The following ENOSF1 variants were observed in gnomAD, a reference collection of about 807,000 sequenced individuals.
The protein encoded by ENOSF1 is enolase superfamily member 1, also known as mitochondrial enolase superfamily member 1.
In ENOSF1, 73 loss-of-function variants were observed where a neutral mutation model predicts 68.2. The ratio of observed to expected loss-of-function variants is 1.07; its 90% CI spans 0.89 to 1.30. The LOEUF is 1.30. ENOSF1 is among the 50% of genes most tolerant of loss of function. The pLI, the probability that ENOSF1 is intolerant of heterozygous loss-of-function variation, is 0.00. For synonymous variants in ENOSF1, 223 were observed against 210.4 expected (o/e 1.06, Z -0.52); for missense variants, 589 against 554.5 (o/e 1.06, Z -0.62).
At chr18:678,656 C>G (rs1568021072) in intron 12 of ENOSF1, 40 bp downstream of exon 12, 1 of 1,610,120 alleles carries the variant, frequency 6.2e-7, no homozygotes. Flanking sequence ...GTGTACTGAC[C>G]CCAAGGGGAC....
chr18:688,460 G>T, intron 9 of ENOSF1, 114 bp downstream of exon 9: 1 of 1,394,158 alleles, frequency 7.2e-7, no homozygotes, highest in Non-Finnish European at 1.0e-6. Flanking sequence ...CTATGAGCCA[G>T]GGGGATCCTA....
rs1219859194 is a variant in ENOSF1, at chr18:677,618, GAGTT to G, written c.1048+121_1048+124del. 79 of 1,360,548 alleles carry G rather than the reference GAGTT, an allele frequency of 5.8e-5. 1 individual carries two copies. The African/African-American group carries it at 1.1e-3, about 18-fold the overall frequency. The allele number at this position is 1,360,548 out of a possible 1,614,324, so 84.3% of individuals were successfully genotyped here. A position where few individuals can be genotyped will look rare whatever the true frequency, so the allele number is the denominator to read the frequency against. On this transcript the variant is annotated intron_variant, in intron 13 of 15. Coordinates refer to ENST00000647584, the MANE Select transcript of ENOSF1 (RefSeq NM_017512.7). ...AAATTCCCGGATTAAAGCTAAATGA[GAGTT>G]AGAAAAAAATCGAAATGGCAAACTA...
chr18:683,275 C>T lies in ENOSF1; in HGVS notation c.847G>A (p.Asp283Asn). ...LWIEEPTSPD[D>N]ILGHATISKA... ...GAAATGGTGGCGTGCCCCAGAATGTCATCAGGGGAGGTTGGCTCCTCAATC... is the reference window on the plus strand; with the variant it reads ...GAAATGGTGGCGTGCCCCAGAATGTTATCAGGGGAGGTTGGCTCCTCAATC... Residue 283 changes from aspartate (D) to asparagine (N), a missense_variant, in exon 11 of 16, where the codon GAC (aspartate) becomes AAC (asparagine). Coordinates refer to ENST00000647584, the MANE Select transcript of ENOSF1 (RefSeq NM_017512.7). 1.2e-6 allele frequency: 2 copies of T among 1,613,960 alleles called. No individual in the cohort carries two copies. The highest frequency in any genetic ancestry group is 1.7e-6 in the Non-Finnish European group (2 of 1,179,932).
chr18:707,672 C>T (rs1157441591), intron 1 of ENOSF1: 1 of 152,094 alleles, frequency 6.6e-6, no homozygotes, highest in Non-Finnish European at 1.5e-5. Context: ...AAATTTATTA[C>T]TGTTATTATT....
At position 673,566 on chromosome 18, in the gene ENOSF1, C is replaced by CA; in HGVS notation, c.*738_*739insT. 1 of 182,618 alleles carries CA rather than the reference C, an allele frequency of 5.5e-6. No homozygotes were observed. The highest frequency in any genetic ancestry group is 1.2e-5 in the Non-Finnish European group (1 of 86,180). 11.3% of individuals were successfully genotyped at this position (182,618 alleles called of 1,614,324 possible). A position where few individuals can be genotyped will look rare whatever the true frequency, so the allele number is the denominator to read the frequency against. ...CCTTCCTAAAATAGATTAAAGAACT[C>CA]TCCTTAAGTAAACATGTGCTGTATT... On this transcript the variant is annotated 3_prime_UTR_variant, in exon 16 of 16. Transcript: ENST00000647584.
chr18:668,175 TAG>T (rs1168628572), downstream of ENOSF1, among the ~76,000 whole-genome samples: 2 of 152,072 alleles, frequency 1.3e-5, no homozygotes, highest in Non-Finnish European at 2.9e-5. Flanking sequence ...TTAGCACGTG[TAG>T]ACTCTTGTAA....
chr18:676,968 C>T (rs1031372697), intron 14 of ENOSF1, among the ~76,000 whole-genome samples: 7 of 152,146 alleles, frequency 4.6e-5, no homozygotes, highest in Non-Finnish European at 7.3e-5. Context: ...CCACCTGGGG[C>T]GTTCTGAGAA....
intron 8 of ENOSF1, 80 bp downstream of exon 8, chr18:690,469 G>A: frequency 6.8e-7 from 1 of 1,474,590 alleles, no homozygotes; most frequent in Non-Finnish European, 9.5e-7. Flanking sequence ...GGTACTGAGA[G>A]TAGTGGTATG....
At chr18:700,759 C>T (rs1269946959) in intron 2 of ENOSF1, among the ~76,000 whole-genome samples, 1 of 151,916 alleles carries the variant, frequency 6.6e-6, no homozygotes, top group Non-Finnish European at 1.5e-5. Context: ...GTGGCACATG[C>T]CTGTAATCCC....
At chr18:663,343 G>A in the ENOSF1 span, among the ~76,000 whole-genome samples, 3 of 98,052 alleles carry the variant, frequency 3.1e-5, 1 homozygote, top group Non-Finnish European at 5.7e-5. Flanking sequence ...CATGTCCTTC[G>A]CCCACTTTTT....
intron 14 of ENOSF1, among the ~76,000 whole-genome samples, chr18:676,457 CT>C (rs1338615268): frequency 8.5e-5 from 13 of 152,138 alleles, no homozygotes; most frequent in African/African-American, 3.1e-4. Flanking sequence ...ACCTTCCCCC[CT>C]CACTCTCTCT....
chr18:674,191 T>C lies in ENOSF1; in HGVS notation c.*114A>G, dbSNP rs1247751615. 20 of 722,622 alleles carry C rather than the reference T, an allele frequency of 2.8e-5. No homozygotes were observed. The East Asian group carries it at 3.6e-4, about 13-fold the overall frequency. 44.8% of individuals were successfully genotyped at this position (722,622 alleles called of 1,614,324 possible). A position where few individuals can be genotyped will look rare whatever the true frequency, so the allele number is the denominator to read the frequency against. On this transcript the variant is annotated 3_prime_UTR_variant, in exon 16 of 16. Coordinates refer to ENST00000647584, the MANE Select transcript of ENOSF1 (RefSeq NM_017512.7). ...TGATTCCTGAGGGTGGTATGACTTC[T>C]AGCTGAACTCATCTTGATCGGTAGG...
chr18:694,871 G>A (rs1397258601), intron 3 of ENOSF1, among the ~76,000 whole-genome samples: 1 of 151,896 alleles, frequency 6.6e-6, no homozygotes, highest in Non-Finnish European at 1.5e-5. Flanking sequence ...ACACACATAT[G>A]TACTTCTTTT....
intron 1 of ENOSF1, among the ~76,000 whole-genome samples, chr18:711,492 ACACATT>A (rs2079537132): frequency 6.6e-6 from 1 of 152,006 alleles, no homozygotes; most frequent in South Asian, 2.1e-4. Flanking sequence ...GCATACTTTC[ACACATT>A]CACTACATAC....
intron 10 of ENOSF1, among the ~76,000 whole-genome samples, chr18:684,004 T>A (rs1371118990): frequency 6.6e-6 from 1 of 151,746 alleles, no homozygotes; most frequent in Non-Finnish European, 1.5e-5. Context: ...TTTTTCTTTT[T>A]TTTTTTTGAG....
At chr18:703,778 G>C (rs539809631) in intron 2 of ENOSF1, among the ~76,000 whole-genome samples, 1 of 152,184 alleles carries the variant, frequency 6.6e-6, no homozygotes, top group African/African-American at 2.4e-5. Context: ...ATGTTGAAGT[G>C]TAATCCGCAG....
intron 7 of ENOSF1, 41 bp downstream of exon 7, chr18:691,027 A>G (rs2077102199): frequency 1.2e-6 from 2 of 1,609,748 alleles, no homozygotes; most frequent in Non-Finnish European, 1.7e-6. Flanking sequence ...AAAGTGGACA[A>G]TGTTAGCAAA....
At position 671,358 on chromosome 18, in the gene ENOSF1, G is replaced by A; in HGVS notation, c.*2947C>T. On this transcript the variant is annotated 3_prime_UTR_variant, in exon 16 of 16. Coordinates refer to ENST00000647584, the MANE Select transcript of ENOSF1 (RefSeq NM_017512.7). Reference sequence around the variant, plus strand: ...AGAATTGAAACTAACATACTGTTCTGCTTTCTCCCCCGGGTTTATAGCCAG... The same window carrying A: ...AGAATTGAAACTAACATACTGTTCTACTTTCTCCCCCGGGTTTATAGCCAG... 1 of 1,521,172 alleles carries A rather than the reference G, an allele frequency of 6.6e-7. No homozygotes were observed. Among genetic ancestry groups the A allele is most frequent in the Non-Finnish European group, 9.1e-7 (1 of 1,095,368 alleles). 94.2% of individuals were successfully genotyped at this position (1,521,172 alleles called of 1,614,324 possible).
rs200212190 is a variant in ENOSF1, at chr18:690,701, T to C, written c.536-70A>G. On this transcript the variant is annotated intron_variant, in intron 7 of 15. Coordinates refer to ENST00000647584, the MANE Select transcript of ENOSF1 (RefSeq NM_017512.7). The stretch of plus-strand genomic sequence containing the variant: ...CTTCGGAATTGGAAGTGCCTGTAGC[T>C]AAGCTGTTTCCCCTGGAGAGTCCAG... 130 of 1,121,792 alleles carry C rather than the reference T, an allele frequency of 1.2e-4. 3 individuals carry two copies. The East Asian group carries it at 1.9e-3, about 16-fold the overall frequency. 69.5% of individuals were successfully genotyped at this position (1,121,792 alleles called of 1,614,324 possible).
Sources: allele counts gnomAD v4.1 joint callset (sites outside exome capture counted in the v4.1 genomes callset), GRCh38; gene constraint gnomAD v4.1.1; transcripts MANE v1.5; gene names NCBI Gene and HGNC (gene_info 2026-07-23, HGNC 2026-07-21).